BRMS1L: variants seen among roughly 807,000 people sequenced by gnomAD.
BRMS1L encodes BRMS1 like transcriptional repressor.
A neutral mutation model predicts 50.3 loss-of-function variants in BRMS1L; 23 were observed. The observed-to-expected ratio is 0.46, with a 90% CI of 0.33 to 0.65. The LOEUF is 0.65. BRMS1L is among the 30% of genes least tolerant of loss of function. The pLI is 0.02. For synonymous variants in BRMS1L, 114 were observed against 126.9 expected, an observed-to-expected ratio of 0.90 and a Z score of 0.69; for missense variants, 286 against 386.1, an observed-to-expected ratio of 0.74 and a Z score of 2.17.
chr14:35,846,179 G>A (rs865907396), intron 4 of BRMS1L, among the ~76,000 whole-genome samples: 4 of 151,920 alleles, frequency 2.6e-5, no homozygotes, highest in South Asian at 2.1e-4. Context: ...TTGAGCTCAG[G>A]AGTTTGAGAC....
Position 35,826,492 on chromosome 14 carries a change from T to C in BRMS1L, c.-25T>C. 6 of 1,563,734 alleles carry C rather than the reference T, an allele frequency of 3.8e-6. No homozygotes were observed. The highest frequency in any genetic ancestry group is 5.2e-6 in the Non-Finnish European group (6 of 1,154,180). ...CGGTGGCCGGGCTGGGCGCCGGTAG[T>C]GGAAAGCGACGGCGCGGCTGGAAAA... On this transcript the variant is annotated 5_prime_UTR_variant, in exon 1 of 10. Coordinates refer to ENST00000216807, the MANE Select transcript of BRMS1L (RefSeq NM_032352.4).
At chr14:35,862,117 G>T (rs2078360290) in intron 4 of BRMS1L, among the ~76,000 whole-genome samples, 2 of 152,080 alleles carry the variant, frequency 1.3e-5, no homozygotes, top group African/African-American at 4.8e-5. Flanking sequence ...CATAAAATTT[G>T]TACTTGAATC....
chr14:35,864,482 A>G (rs1188346638), intron 6 of BRMS1L, among the ~76,000 whole-genome samples: 1 of 152,080 alleles, frequency 6.6e-6, no homozygotes, highest in African/African-American at 2.4e-5. Context: ...GCTGGTCTTG[A>G]ACTCCTGGGC....
chr14:35,864,117 T>TA (rs1439117248), intron 6 of BRMS1L, among the ~76,000 whole-genome samples, 164 bp downstream of exon 6: 1 of 152,208 alleles, frequency 6.6e-6, no homozygotes, highest in Non-Finnish European at 1.5e-5. Flanking sequence ...GGATATAGTG[T>TA]ATACTTTAGG....
chr14:35,865,370 CCTTATGTGT>C (rs1242351144), intron 7 of BRMS1L, among the ~76,000 whole-genome samples: 1 of 152,114 alleles, frequency 6.6e-6, no homozygotes, highest in African/African-American at 2.4e-5. Flanking sequence ...ACATTTGAAC[CCTTATGTGT>C]CTTGCATCCT....
Position 35,858,105 on chromosome 14 carries a change from G to A in BRMS1L, c.442-4485G>A, listed in dbSNP as rs569430369. ...CCAGTAAAGGTCAAAACTGCTTCTC[G>A]TTTTAAAGTTAGGTGTAAACAGTGT... On this transcript the variant is annotated intron_variant, in intron 4 of 9. Transcript: ENST00000216807. 7.2e-5 allele frequency among the ~76,000 whole-genome samples: 11 copies of A among 151,796 alleles called. No individual in the cohort carries two copies. In the East Asian group the frequency reaches 1.9e-3, roughly 27 times the overall value.
intron 2 of BRMS1L, among the ~76,000 whole-genome samples, chr14:35,832,349 CAA>C (rs869067604): frequency 0.092 from 5,681 of 61,642 alleles, 361 homozygotes; most frequent in African/African-American, 0.19. Flanking sequence ...CTAAAAAATA[CAA>C]AAAAAAAAAA....
chr14:35,859,742 T>C (rs1461503533), intron 4 of BRMS1L, among the ~76,000 whole-genome samples: 1 of 152,234 alleles, frequency 6.6e-6, no homozygotes, highest in Non-Finnish European at 1.5e-5. Context: ...CTCCAACTCC[T>C]GGGCTCAAGT....
chr14:35,830,232 G>C (rs879540476), intron 1 of BRMS1L, among the ~76,000 whole-genome samples: 5 of 152,158 alleles, frequency 3.3e-5, no homozygotes, highest in Non-Finnish European at 7.3e-5. Flanking sequence ...ACCACGCCCA[G>C]CTAATTTTGT....
At chr14:35,868,197 A>G (rs1185742418) in intron 9 of BRMS1L, among the ~76,000 whole-genome samples, 165 bp downstream of exon 9, 1 of 152,194 alleles carries the variant, frequency 6.6e-6, no homozygotes, top group African/African-American at 2.4e-5. Context: ...AGCAGTGTTA[A>G]TATGTATGAA....
intron 4 of BRMS1L, among the ~76,000 whole-genome samples, chr14:35,837,880 T>A (rs543683193): frequency 3.3e-5 from 5 of 152,246 alleles, no homozygotes; most frequent in African/African-American, 7.2e-5. Context: ...AATTACTTTT[T>A]AAAAAAATTA....
At chr14:35,862,530 T>C in intron 4 of BRMS1L, 60 bp from the exon 5 acceptor site, 4 of 1,095,232 alleles carry the variant, frequency 3.7e-6, no homozygotes, top group Non-Finnish European at 5.1e-6. Context: ...TTTGGTACTC[T>C]TAGTTAAGAT....
chr14:35,832,492 C>G (rs1381840788), intron 2 of BRMS1L, among the ~76,000 whole-genome samples: 1 of 143,006 alleles, frequency 7.0e-6, no homozygotes, highest in Non-Finnish European at 1.5e-5. Context: ...GGTGACGGAG[C>G]GAGACTCCGT....
chr14:35,830,745 C>T (rs1213174650), intron 1 of BRMS1L, among the ~76,000 whole-genome samples: 2 of 152,094 alleles, frequency 1.3e-5, no homozygotes, highest in African/African-American at 4.8e-5. Context: ...CAATGTTAGC[C>T]TTTAAAGGAC....
intron 4 of BRMS1L, among the ~76,000 whole-genome samples, chr14:35,854,965 A>G (rs2078260990): frequency 1.3e-5 from 2 of 152,266 alleles, no homozygotes; most frequent in African/African-American, 4.8e-5. Flanking sequence ...CTTTCAGGAA[A>G]AACTTTTCCC....
intron 2 of BRMS1L, 96 bp downstream of exon 2, chr14:35,831,596 G>T: frequency 1.1e-6 from 1 of 901,930 alleles, no homozygotes; most frequent in Non-Finnish European, 1.8e-6. Flanking sequence ...CAGCTGTTTT[G>T]TATTTTATGC....
chr14:35,842,126 A>G (rs1311576081), intron 4 of BRMS1L, among the ~76,000 whole-genome samples: 4 of 149,976 alleles, frequency 2.7e-5, no homozygotes, highest in Non-Finnish European at 5.9e-5. Flanking sequence ...GGTCTTGACT[A>G]TCCAGTTTGC....
At position 35,867,970 on chromosome 14, in the gene BRMS1L, T is replaced by C; in HGVS notation, c.792T>C (p.Asp264=). The change falls in exon 9 of 10, where the codon GAT becomes GAC. Residue 264 remains aspartate (D), a synonymous_variant. Transcript: ENST00000216807. ...CTGAAGAGGGAAGACTATATTATGA[T>C]GGTGAATGGTATATACGTGGACAAA... is the stretch of plus-strand genomic sequence containing the variant. ...ARSEEGRLYY[D]GEWYIRGQTI... The C allele has an allele frequency of 1.2e-6, 2 of 1,612,368 alleles. No homozygotes were observed. Among genetic ancestry groups the C allele is most frequent in the South Asian group, 1.1e-5 (1 of 90,898 alleles).
intron 4 of BRMS1L, among the ~76,000 whole-genome samples, chr14:35,849,859 A>G: frequency 6.6e-6 from 1 of 150,718 alleles, no homozygotes; most frequent in East Asian, 2.0e-4. Context: ...TCGTTCTGTC[A>G]CCCAGGCTGG....
Sources: gnomAD v4.1 joint callset for allele counts (sites outside exome capture counted in the v4.1 genomes callset) on GRCh38, gnomAD v4.1.1 for gene constraint, MANE v1.5 for transcripts, NCBI Gene and HGNC (gene_info 2026-07-23, HGNC 2026-07-21) for gene names.